Variants in NXN observed in about 807,000 individuals in gnomAD.
NXN encodes the protein nucleoredoxin 1.
A neutral mutation model predicts 48.6 loss-of-function variants in NXN; 16 were observed. The observed-to-expected ratio is 0.33, with a 90% CI of 0.22 to 0.50. The LOEUF is 0.50. Ranked by LOEUF, NXN falls within the 20% of genes least tolerant of loss-of-function variation. NXN has a pLI of 0.98. For synonymous variants in NXN, 281 were observed against 269.6 expected (o/e 1.04, Z -0.41); for missense variants, 492 against 605.5 (o/e 0.81, Z 1.97).
intron 1 of NXN, among the ~76,000 whole-genome samples, chr17:934,433 G>C (rs1192303420): frequency 6.8e-6 from 1 of 147,276 alleles, no homozygotes; most frequent in African/African-American, 2.5e-5. Context: ...GCAACACAAC[G>C]AGACTCTGTC....
chr17:917,840 GA>G lies in NXN; in HGVS notation c.360+61478del, dbSNP rs1053665943. ...ATGGGAAAGGGGATAAGCGACAGGA[GA>G]GGGGGGACTCCCGTTCCAAACAAAG... On this transcript the variant is annotated intron_variant, in intron 1 of 7. Transcript: ENST00000336868. The surrounding 1 kb of genome is among the most constrained non-coding windows in gnomAD (Gnocchi z 4.5). 1.3e-5 allele frequency among the ~76,000 whole-genome samples: 2 copies of G among 152,166 alleles called. No individual in the cohort carries two copies. The highest frequency in any genetic ancestry group is 4.8e-5 in the African/African-American group (2 of 41,448).
At chr17:903,494 C>T (rs2068555690) in intron 1 of NXN, among the ~76,000 whole-genome samples, 2 of 152,240 alleles carry the variant, frequency 1.3e-5, no homozygotes, top group South Asian at 4.1e-4. Context: ...CAGATTCTCC[C>T]ACCTCCACCT....
At chr17:951,589 G>A (rs1404801748) in intron 1 of NXN, among the ~76,000 whole-genome samples, 2 of 151,650 alleles carry the variant, frequency 1.3e-5, no homozygotes, top group Non-Finnish European at 2.9e-5. Flanking sequence ...GGGGCGGGAG[G>A]GTCTGTCAGC....
chr17:944,348 G>A (rs2069018863), intron 1 of NXN, among the ~76,000 whole-genome samples: 1 of 152,106 alleles, frequency 6.6e-6, no homozygotes, highest in Admixed American at 6.6e-5. Flanking sequence ...GTCCATATTG[G>A]CCCCAAACTC....
At chr17:906,185 A>G (rs4968126) in intron 1 of NXN, among the ~76,000 whole-genome samples, 89,497 of 151,974 alleles carry the variant, frequency 0.59, 26,957 homozygotes, top group Admixed American at 0.71. Flanking sequence ...GACTTGCCTC[A>G]TTCTCAGGTA....
intron 1 of NXN, among the ~76,000 whole-genome samples, chr17:842,184 C>T (rs980899439): frequency 2.0e-5 from 3 of 152,010 alleles, no homozygotes; most frequent in Admixed American, 6.6e-5. Context: ...TAAACCTGCT[C>T]GACATCCTTC....
In NXN at chr17:833,279, G is replaced by A. The variant is rs576896819; in HGVS notation, c.361-7201C>T. On this transcript the variant is annotated intron_variant, in intron 1 of 7. Transcript: ENST00000336868. ...TCATTAGGGAGCTGCATCTGTGGGC[G>A]CCTCAGGCCACCCAAAGCATGAAGG... 3.3e-5 allele frequency among the ~76,000 whole-genome samples: 5 copies of A among 152,114 alleles called. No individual in the cohort carries two copies. In the East Asian group the frequency reaches 7.8e-4, roughly 24 times the overall value.
rs1481690891 is a variant in NXN at position 956,244 on chromosome 17, T to A, written c.360+23075A>T. On this transcript the variant is annotated intron_variant, in intron 1 of 7. Transcript: ENST00000336868. This position sits in a 1 kb window ranked among gnomAD's most constrained non-coding sequence, Gnocchi z 4.1. Reference sequence around the variant, plus strand: ...TCATTCTTTCTTTCAATAAACACGGTGCCAAGTATTTACTAATAAGAGGTG... The same window carrying A: ...TCATTCTTTCTTTCAATAAACACGGAGCCAAGTATTTACTAATAAGAGGTG... 6.6e-6 allele frequency among the ~76,000 whole-genome samples: 1 copy of A among 152,004 alleles called. No homozygotes were observed. Among genetic ancestry groups the A allele is most frequent in the Non-Finnish European group, 1.5e-5 (1 of 68,010 alleles).
At chr17:944,977 A>C (rs12936224) in intron 1 of NXN, among the ~76,000 whole-genome samples, 108,584 of 151,602 alleles carry the variant, frequency 0.72, 39,579 homozygotes, top group Middle Eastern at 0.82. Flanking sequence ...AAAATGGGGT[A>C]GGATTTTCTA....
intron 1 of NXN, among the ~76,000 whole-genome samples, chr17:845,387 T>C (rs1451473815): frequency 6.7e-6 from 1 of 149,692 alleles, no homozygotes; most frequent in Non-Finnish European, 1.5e-5. Context: ...ATCACCCTTA[T>C]GGACTCAACA....
chr17:900,828 A>C (rs915355163), intron 1 of NXN, among the ~76,000 whole-genome samples: 8 of 151,538 alleles, frequency 5.3e-5, no homozygotes, highest in African/African-American at 1.9e-4. Context: ...TAAATGACCC[A>C]ATCTGCAGGG....
rs1292705010 is a variant in NXN at position 944,686 on chromosome 17, G to A, written c.360+34633C>T. On this transcript the variant is annotated intron_variant, in intron 1 of 7. Transcript: ENST00000336868. ...GGGCGGAGAAAACCAGAAAGGGGAA[G>A]AAACTCCTTCCTCATCTCCACCTCA... Among the ~76,000 whole-genome samples, 4 of 152,166 alleles carry A rather than the reference G, an allele frequency of 2.6e-5. No homozygotes were observed. In the East Asian group the frequency reaches 7.7e-4, roughly 29 times the overall value.
intron 1 of NXN, among the ~76,000 whole-genome samples, chr17:931,983 A>C (rs1402096490): frequency 6.6e-6 from 1 of 151,964 alleles, no homozygotes; most frequent in African/African-American, 2.4e-5. Flanking sequence ...ATCTCTACTA[A>C]GAATACAAAA....
At chr17:804,901 AT>A (rs919640720) in intron 6 of NXN, among the ~76,000 whole-genome samples, 166 bp downstream of exon 6, 9 of 152,320 alleles carry the variant, frequency 5.9e-5, no homozygotes, top group Admixed American at 5.9e-4. Flanking sequence ...GGGGCCAGCC[AT>A]GAATAAATCA....
Position 917,741 on chromosome 17 carries a change from G to A in NXN, c.360+61578C>T, listed in dbSNP as rs2068702932. Among the ~76,000 whole-genome samples the A allele has an allele frequency of 6.6e-6, 1 of 152,204 alleles. No individual in the cohort carries two copies. Among genetic ancestry groups the A allele is most frequent in the African/African-American group, 2.4e-5 (1 of 41,458 alleles). On this transcript the variant is annotated intron_variant, in intron 1 of 7. Transcript: ENST00000336868. This position sits in a 1 kb window ranked among gnomAD's most constrained non-coding sequence, Gnocchi z 4.5. ...ACCCCAGGTTCCAGCCCTACAAGGG[G>A]CGCGTACTGGCACAACAGGCGGGCG...
chr17:971,911 G>A (rs1403252366), intron 1 of NXN, among the ~76,000 whole-genome samples: 1 of 151,850 alleles, frequency 6.6e-6, no homozygotes, highest in African/African-American at 2.4e-5. Context: ...CTCACGCTGT[G>A]ATCCCAGCAC....
rs1370009269 is a variant in NXN at position 849,930 on chromosome 17, C to T, written c.361-23852G>A. Among the ~76,000 whole-genome samples the T allele has an allele frequency of 6.6e-6, 1 of 152,050 alleles. No individual in the cohort carries two copies. The highest frequency in any genetic ancestry group is 1.5e-5 in the Non-Finnish European group (1 of 68,014). ...GAGCCCCCAAGGAGCCCGAGAGCGA[C>T]CTGCTCCTGAAACCCCAGGCTGGTC... On this transcript the variant is annotated intron_variant, in intron 1 of 7. Transcript: ENST00000336868. This position sits in a 1 kb window ranked among gnomAD's most constrained non-coding sequence, Gnocchi z 4.2.
chr17:901,916 TCTCAAACTCCTGAC>T (rs1246948963), intron 1 of NXN, among the ~76,000 whole-genome samples: 14 of 152,044 alleles, frequency 9.2e-5, no homozygotes, highest in Admixed American at 9.2e-4. Context: ...GCCAGGCTGG[TCTCAAACTCCTGAC>T]CTCAGGTGAT....
intron 5 of NXN, among the ~76,000 whole-genome samples, chr17:812,760 A>G (rs1458905806): frequency 3.7e-5 from 5 of 136,690 alleles, no homozygotes; most frequent in East Asian, 2.2e-4. Flanking sequence ...GAGTGTGCAT[A>G]TGTGTGAGTG....
Sources: gnomAD v4.1 joint callset for allele counts (sites outside exome capture counted in the v4.1 genomes callset) on GRCh38, gnomAD v4.1.1 for gene constraint, Gnocchi (gnomAD v3.1) non-coding constraint, MANE v1.5 for transcripts, NCBI Gene and HGNC (gene_info 2026-07-23, HGNC 2026-07-21) for gene names.